The following ERBIN variants were observed in gnomAD, a reference collection of about 807,000 sequenced individuals.
The protein encoded by ERBIN is erbb2 interacting protein, also known as densin-180-like protein.
In ERBIN, 60 loss-of-function variants were observed where a neutral mutation model predicts 158.4. The ratio of observed to expected loss-of-function variants is 0.38; its 90% CI spans 0.31 to 0.47. ERBIN has a LOEUF of 0.47. ERBIN is among the 20% of genes least tolerant of loss of function. The probability of loss-of-function intolerance (pLI) is 0.99; values close to 1 mark genes in which losing one functional copy is unlikely to be tolerated. For synonymous variants in ERBIN, 594 were observed against 557.2 expected (o/e 1.07, Z -0.93); for missense variants, 1,610 against 1,648.0 (o/e 0.98, Z 0.40).
chr5:66,031,174 G>C (rs1195407972), intron 14 of ERBIN, among the ~76,000 whole-genome samples: 3 of 152,142 alleles, frequency 2.0e-5, no homozygotes, highest in African/African-American at 4.8e-5. Flanking sequence ...ACAGAGGTTT[G>C]GTTGTGAATT....
chr5:66,075,312 A>T (rs571252218), intron 23 of ERBIN, 82 bp downstream of exon 23: 5 of 1,117,082 alleles, frequency 4.5e-6, no homozygotes, highest in Non-Finnish European at 5.3e-6. Flanking sequence ...TAGTAAATCC[A>T]TACAGAATAT....
chr5:65,983,139 C>G (rs1041221257), intron 1 of ERBIN, among the ~76,000 whole-genome samples: 3 of 152,278 alleles, frequency 2.0e-5, no homozygotes, highest in Admixed American at 1.3e-4. Flanking sequence ...CATTTTTAGA[C>G]ATGTTTAGGC....
intron 7 of ERBIN, among the ~76,000 whole-genome samples, chr5:66,017,385 A>T (rs991901987): frequency 6.6e-6 from 1 of 152,068 alleles, no homozygotes. Context: ...AAGCCATTTT[A>T]ACTAGGGCAA....
intron 21 of ERBIN, among the ~76,000 whole-genome samples, chr5:66,062,862 G>A (rs977634116): frequency 1.3e-5 from 2 of 152,186 alleles, no homozygotes; most frequent in African/African-American, 2.4e-5. Flanking sequence ...GCGGATATTG[G>A]TGAACCGCAA....
chr5:66,031,633 C>A (rs1421152050), intron 14 of ERBIN, among the ~76,000 whole-genome samples: 1 of 152,102 alleles, frequency 6.6e-6, no homozygotes, highest in Non-Finnish European at 1.5e-5. Context: ...GAGTTTGAGA[C>A]CAACCTGGGA....
intron 1 of ERBIN, among the ~76,000 whole-genome samples, chr5:65,983,009 T>G (rs1449054865): frequency 1.3e-5 from 2 of 152,226 alleles, no homozygotes; most frequent in African/African-American, 4.8e-5. Context: ...CCATCTATAC[T>G]CTTAGAATGT....
chr5:66,058,339 T>C (rs1450314090), intron 21 of ERBIN, among the ~76,000 whole-genome samples: 5 of 152,162 alleles, frequency 3.3e-5, no homozygotes, highest in Non-Finnish European at 5.9e-5. Context: ...AGTGTCTTCT[T>C]TTGAGAAGTG....
chr5:65,988,742 G>T (rs1751535171), intron 2 of ERBIN, 60 bp downstream of exon 2: 2 of 152,084 alleles, frequency 1.3e-5, no homozygotes, highest in Middle Eastern at 3.2e-3. Context: ...AGTGGCACAT[G>T]CCTCTAATCC....
At chr5:65,965,379 G>GTTTTTTTTTTTTTT (rs1561304820) in intron 1 of ERBIN, among the ~76,000 whole-genome samples, 12 of 103,650 alleles carry the variant, frequency 1.2e-4, no homozygotes, top group Admixed American at 8.5e-4. Context: ...TTTGTTTTTT[G>GTTTTTTTTTTTTTT]TTGTTTTTTT....
chr5:65,992,243 G>A (rs539566674), intron 2 of ERBIN, among the ~76,000 whole-genome samples: 7 of 152,054 alleles, frequency 4.6e-5, no homozygotes, highest in Admixed American at 2.0e-4. Context: ...TCCACCTCCC[G>A]GGTTCAAGCC....
intron 21 of ERBIN, among the ~76,000 whole-genome samples, chr5:66,068,554 C>T (rs894471463): frequency 6.6e-6 from 1 of 151,952 alleles, no homozygotes; most frequent in Non-Finnish European, 1.5e-5. Flanking sequence ...CAGCATATGG[C>T]GTCAACTCCT....
chr5:66,009,833 A>G (rs1001518200), intron 4 of ERBIN, among the ~76,000 whole-genome samples: 2 of 152,216 alleles, frequency 1.3e-5, no homozygotes, highest in Non-Finnish European at 2.9e-5. Context: ...GGGGAAGAAT[A>G]AATGATACAA....
intron 10 of ERBIN, 50 bp from the exon 11 acceptor site, chr5:66,025,430 T>C: frequency 7.3e-7 from 1 of 1,374,118 alleles, no homozygotes; most frequent in Non-Finnish European, 1.0e-6. Flanking sequence ...GTTGGTGGAC[T>C]TGCTTCTATT....
chr5:66,033,803 TGTGA>T, intron 14 of ERBIN, among the ~76,000 whole-genome samples: 1 of 152,044 alleles, frequency 6.6e-6, no homozygotes, highest in East Asian at 1.9e-4. Flanking sequence ...AAAGAAGCTG[TGTGA>T]GTAAGATTAA....
chr5:65,978,479 C>G (rs1323789466), intron 1 of ERBIN, among the ~76,000 whole-genome samples: 2 of 152,212 alleles, frequency 1.3e-5, no homozygotes, highest in Non-Finnish European at 2.9e-5. Context: ...TTGATCTACA[C>G]TTTGTAAAAT....
At chr5:66,029,582 G>A (rs1756633955) in intron 14 of ERBIN, among the ~76,000 whole-genome samples, 2 of 151,950 alleles carry the variant, frequency 1.3e-5, no homozygotes, top group Admixed American at 1.3e-4. Context: ...GTCCTGTCCT[G>A]TCCTGTCCTG....
At chr5:65,986,584 A>G (rs1414500303) in intron 1 of ERBIN, among the ~76,000 whole-genome samples, 1 of 152,220 alleles carries the variant, frequency 6.6e-6, no homozygotes, top group Non-Finnish European at 1.5e-5. Context: ...ATAAATGGAT[A>G]TTACTCTCAG....
At chr5:65,942,015 C>G (rs1176685353) in intron 1 of ERBIN, among the ~76,000 whole-genome samples, 1 of 152,212 alleles carries the variant, frequency 6.6e-6, no homozygotes, top group South Asian at 2.1e-4. Context: ...GCTGGGATTA[C>G]AGGCGTGAGC....
chr5:66,077,793 C>T (rs59730091), intron 25 of ERBIN, among the ~76,000 whole-genome samples: 2 of 124,374 alleles, frequency 1.6e-5, no homozygotes, highest in South Asian at 2.4e-4. Flanking sequence ...CACACACACA[C>T]ATACACACAC....
Sources: gnomAD v4.1 joint callset for allele counts (sites outside exome capture counted in the v4.1 genomes callset) on GRCh38, gnomAD v4.1.1 for gene constraint, MANE v1.5 for transcripts, NCBI Gene and HGNC (gene_info 2026-07-23, HGNC 2026-07-21) for gene names.